Variants in SEMA3C observed in about 807,000 individuals in gnomAD.
The protein encoded by SEMA3C is semaphorin 3C.
Under a neutral mutation model 89.4 loss-of-function variants are expected in SEMA3C, and 47 were observed. The ratio of observed to expected loss-of-function variants is 0.53; its 90% CI spans 0.42 to 0.67. The LOEUF is 0.67. Ranked by LOEUF, SEMA3C falls within the 30% of genes least tolerant of loss-of-function variation. The pLI, the probability that SEMA3C is intolerant of heterozygous loss-of-function variation, is 0.00. For missense variants in SEMA3C, 839 were observed against 929.1 expected (o/e 0.90, Z 1.26); for synonymous variants, 310 against 320.2 (o/e 0.97, Z 0.34).
At chr7:80,893,715 G>A (rs1158723995) in intron 2 of SEMA3C, among the ~76,000 whole-genome samples, 1 of 151,914 alleles carries the variant, frequency 6.6e-6, no homozygotes, top group African/African-American at 2.4e-5. Flanking sequence ...CTGTGTATTT[G>A]GTGTTAGATG....
chr7:80,750,473 T>TATATATATACATACACACACAC (rs869227686), intron 16 of SEMA3C, among the ~76,000 whole-genome samples: 1 of 55,436 alleles, frequency 1.8e-5, no homozygotes, highest in Non-Finnish European at 3.5e-5. Context: ...TATATATATA[T>TATATATATACATACACACACAC]ACACACACAC....
rs1787763946 is a variant in SEMA3C, at chr7:80,744,904, G to A, written c.2246C>T (p.Pro749Leu). 1 of 1,613,990 alleles carries A rather than the reference G, an allele frequency of 6.2e-7. No individual in the cohort carries two copies. The highest frequency in any genetic ancestry group is 1.3e-5 in the African/African-American group (1 of 75,040). ...CCACATAAGAAAATATTATGACTCT[G>A]GCAACTGATTCCTCCTGTTTCTACT... ...RKSRNRRNQL[P>L]ES The change falls in exon 18 of 18, where the codon CCA becomes CTA. Residue 749 changes from proline to leucine, a missense_variant. Transcript: ENST00000265361.
At chr7:80,826,809 C>T (rs921748130) in intron 4 of SEMA3C, among the ~76,000 whole-genome samples, 5 of 152,092 alleles carry the variant, frequency 3.3e-5, no homozygotes, top group African/African-American at 1.2e-4. Context: ...TCAAGAATGG[C>T]AATGTATTAC....
chr7:80,745,860 C>A (rs2117021200), intron 17 of SEMA3C, among the ~76,000 whole-genome samples: 1 of 152,106 alleles, frequency 6.6e-6, no homozygotes, highest in Non-Finnish European at 1.5e-5. Context: ...GGGCCTTTTT[C>A]AATTATCCCA....
At chr7:80,771,384 G>A (rs1293157024) in intron 12 of SEMA3C, among the ~76,000 whole-genome samples, 1 of 152,168 alleles carries the variant, frequency 6.6e-6, no homozygotes, top group African/African-American at 2.4e-5. Context: ...AGGTAACACA[G>A]CAGACTCATC....
At chr7:80,746,006 G>C (rs757702988) in intron 17 of SEMA3C, among the ~76,000 whole-genome samples, 1 of 152,096 alleles carries the variant, frequency 6.6e-6, no homozygotes, top group Non-Finnish European at 1.5e-5. Flanking sequence ...TGGAAAAAAT[G>C]ATTGTTTACT....
intron 2 of SEMA3C, among the ~76,000 whole-genome samples, chr7:80,841,022 T>G (rs1583929757): frequency 6.6e-6 from 1 of 152,194 alleles, no homozygotes; most frequent in East Asian, 1.9e-4. Flanking sequence ...AGTCTCAGGG[T>G]TGATCAAGAA....
intron 2 of SEMA3C, among the ~76,000 whole-genome samples, chr7:80,836,210 G>A (rs769090631): frequency 5.9e-5 from 9 of 152,164 alleles, no homozygotes; most frequent in Non-Finnish European, 1.3e-4. Flanking sequence ...GAGGCAGCAT[G>A]AAAATGGTAT....
At chr7:80,902,489 A>G (rs1791905644) in intron 2 of SEMA3C, among the ~76,000 whole-genome samples, 1 of 152,232 alleles carries the variant, frequency 6.6e-6, no homozygotes. Flanking sequence ...ATATTAAAAC[A>G]AAGTTAATCT....
intron 2 of SEMA3C, among the ~76,000 whole-genome samples, chr7:80,849,423 A>T (rs1162987140): frequency 6.6e-6 from 1 of 151,088 alleles, no homozygotes; most frequent in Non-Finnish European, 1.5e-5. Context: ...TTGTTTTTAA[A>T]CTGATCAACT....
chr7:80,805,193 AC>A (rs1204636167), intron 7 of SEMA3C, among the ~76,000 whole-genome samples: 2 of 152,058 alleles, frequency 1.3e-5, no homozygotes. Flanking sequence ...TAAGTATAAA[AC>A]AAAAAGAGAG....
chr7:80,869,792 T>C (rs1791013632), intron 2 of SEMA3C, among the ~76,000 whole-genome samples: 1 of 152,166 alleles, frequency 6.6e-6, no homozygotes, highest in South Asian at 2.1e-4. Context: ...CCTCAACCCT[T>C]ACTCCCTCAT....
intron 2 of SEMA3C, among the ~76,000 whole-genome samples, chr7:80,881,322 G>T (rs942532945): frequency 5.3e-5 from 8 of 151,940 alleles, no homozygotes; most frequent in African/African-American, 9.7e-5. Context: ...CTCTTAGCTG[G>T]TTTTTTGTCA....
In SEMA3C at chr7:80,852,837, C is replaced by T. The variant is rs974152249; in HGVS notation, c.104-24092G>A. ...GGGACTACAGGTGCCCACCACCACG[C>T]CTGGCCAATTTTTTGTACTTTTGGT... On this transcript the variant is annotated intron_variant, in intron 2 of 17. Transcript: ENST00000265361. 2.0e-5 allele frequency among the ~76,000 whole-genome samples: 3 copies of T among 152,130 alleles called. No individual in the cohort carries two copies. The East Asian group carries it at 5.8e-4, about 29-fold the overall frequency.
At chr7:80,842,127 T>G (rs999780138) in intron 2 of SEMA3C, among the ~76,000 whole-genome samples, 35 of 152,292 alleles carry the variant, frequency 2.3e-4, no homozygotes, top group African/African-American at 7.2e-4. Context: ...GGGAGTGGGC[T>G]TCTACATAGT....
At chr7:80,749,077 A>T (rs1787866673) in intron 16 of SEMA3C, 49 bp from the exon 17 acceptor site, 2 of 1,538,712 alleles carry the variant, frequency 1.3e-6, no homozygotes, top group African/African-American at 1.4e-5. Flanking sequence ...ACACAACTGA[A>T]TTTAGAGCAC....
intron 16 of SEMA3C, among the ~76,000 whole-genome samples, chr7:80,751,022 G>A (rs965731067): frequency 6.6e-6 from 1 of 152,110 alleles, no homozygotes; most frequent in Non-Finnish European, 1.5e-5. Context: ...ATTACGATCT[G>A]CGAGAAAGAC....
At chr7:80,816,860 G>A (rs1410877299) in intron 5 of SEMA3C, among the ~76,000 whole-genome samples, 1 of 152,142 alleles carries the variant, frequency 6.6e-6, no homozygotes, top group Non-Finnish European at 1.5e-5. Flanking sequence ...TTTTTGGACA[G>A]AATTTCCAAT....
intron 2 of SEMA3C, among the ~76,000 whole-genome samples, chr7:80,834,826 C>T (rs979097057): frequency 2.0e-5 from 3 of 152,186 alleles, no homozygotes; most frequent in African/African-American, 4.8e-5. Flanking sequence ...CCTCCCTATA[C>T]TTTAAATCAT....
Sources: gnomAD v4.1 joint callset for allele counts (sites outside exome capture counted in the v4.1 genomes callset) on GRCh38, gnomAD v4.1.1 for gene constraint, MANE v1.5 for transcripts, NCBI Gene and HGNC (gene_info 2026-07-23, HGNC 2026-07-21) for gene names.